UTRN: variants seen among roughly 807,000 people sequenced by gnomAD.
UTRN encodes the protein dystrophin-related protein 1.
In UTRN, 283 loss-of-function variants were observed where a neutral mutation model predicts 463.9. That is an observed-to-expected ratio of 0.61 (90% CI 0.55 to 0.67). The LOEUF (loss-of-function observed/expected upper bound fraction) is 0.67. Among genes scored for constraint, UTRN ranks in the 30% least tolerant of loss-of-function variants. The pLI, the probability that UTRN is intolerant of heterozygous loss-of-function variation, is 0.00. For missense variants in UTRN, 3,922 were observed against 4,084.3 expected (o/e 0.96, Z 1.08); for synonymous variants, 1,442 against 1,431.5 (o/e 1.01, Z -0.17).
At chr6:144,638,039 C>T (rs1237636921) in intron 51 of UTRN, among the ~76,000 whole-genome samples, 3 of 152,148 alleles carry the variant, frequency 2.0e-5, no homozygotes, top group Non-Finnish European at 4.4e-5. Flanking sequence ...TGTATAGCTT[C>T]AGTGTTTGGT....
At position 144,286,203 on chromosome 6, in the gene UTRN, G is replaced by C. The variant is rs541994593; in HGVS notation, c.-93+382G>C. ...CTCCGTGCATCGCGCGGTGCAGGGC[G>C]CTGGGCCAGTGATTTGCAAGAGGGG... On this transcript the variant is annotated intron_variant, in intron 1 of 74. Coordinates refer to ENST00000367545, the MANE Select transcript of UTRN (RefSeq NM_007124.3). The surrounding 1 kb of genome is among the most constrained non-coding windows in gnomAD (Gnocchi z 4.4). Among the ~76,000 whole-genome samples, 8 of 152,360 alleles carry C rather than the reference G, an allele frequency of 5.3e-5. No individual in the cohort carries two copies. The South Asian group carries it at 1.4e-3, about 28-fold the overall frequency.
intron 43 of UTRN, among the ~76,000 whole-genome samples, chr6:144,536,897 G>C (rs567300979): frequency 6.6e-6 from 1 of 152,032 alleles, no homozygotes; most frequent in East Asian, 1.9e-4. Flanking sequence ...AGATCTAATT[G>C]AGGCAGTTCC....
chr6:144,293,332 A>G (rs979846907), intron 2 of UTRN, among the ~76,000 whole-genome samples: 13 of 152,146 alleles, frequency 8.5e-5, no homozygotes, highest in African/African-American at 2.9e-4. Context: ...TATAACTTGT[A>G]CTTTAGCCGT....
intron 18 of UTRN, among the ~76,000 whole-genome samples, 186 bp downstream of exon 18, chr6:144,451,679 T>C (rs530141172): frequency 2.9e-4 from 41 of 140,752 alleles, no homozygotes; most frequent in South Asian, 2.0e-3. Context: ...GATCCCTATT[T>C]GGAGGACGTT....
At chr6:144,291,692 T>C (rs2114509503) in intron 1 of UTRN, 45 bp from the exon 2 acceptor site, 1 of 597,670 alleles carries the variant, frequency 1.7e-6, no homozygotes, top group East Asian at 3.2e-5. Flanking sequence ...ATATAAAATA[T>C]ATAAATACAT....
At chr6:144,759,732 TCC>T (rs989240266) in intron 58 of UTRN, among the ~76,000 whole-genome samples, 11 of 152,068 alleles carry the variant, frequency 7.2e-5, no homozygotes, top group African/African-American at 1.4e-4. Context: ...GCAGACATGA[TCC>T]TTAAATGCAG....
chr6:144,631,237 G>GGTGTGTGTGTGTGTGTGTGTGTGTGTGT (rs67332744), intron 51 of UTRN, among the ~76,000 whole-genome samples: 1 of 147,418 alleles, frequency 6.8e-6, no homozygotes, highest in Admixed American at 6.7e-5. Context: ...GAGAGAGAGA[G>GGTGTGTGTGTGTGTGTGTGTGTGTGTGT]GTGTGTGTGT....
At position 144,458,955 on chromosome 6, in the gene UTRN, A is replaced by T; in HGVS notation, c.2470A>T (p.Thr824Ser). 2 of 1,612,986 alleles carry T rather than the reference A, an allele frequency of 1.2e-6. No homozygotes were observed. Among genetic ancestry groups the T allele is most frequent in the Non-Finnish European group, 1.7e-6 (2 of 1,179,742 alleles). ...IKTKEEWVKH[T>S]SISESSRQSL... is the part of the protein sequence containing the mutation. ...GACAAAGGAGGAGTGGGTAAAACAC[A>T]CTTCCATTTCTGAATCTTCCCGGCA... Residue 824 changes from threonine (T) to serine (S), a missense_variant, in exon 20 of 75, where the codon ACT (threonine) becomes TCT (serine). Transcript: ENST00000367545.
At chr6:144,554,968 T>C (rs1365830640) in intron 49 of UTRN, 75 bp downstream of exon 49, 1 of 1,469,750 alleles carries the variant, frequency 6.8e-7, no homozygotes, top group African/African-American at 1.4e-5. Context: ...ACTGTAATTC[T>C]TAACAATAGG....
rs770983795 is a variant in UTRN, at chr6:144,485,530, G to T, written c.3822+11G>T. On this transcript the variant is annotated intron_variant, in intron 28 of 74. Transcript: ENST00000367545. ...AACGAAGCCCTGGAGGTTGGAACCC[G>T]TGATCTCCACGGCATTTCTCTTTGC... 6.2e-7 allele frequency: 1 copy of T among 1,613,964 alleles called. No individual in the cohort carries two copies. The highest frequency in any genetic ancestry group is 1.1e-5 in the South Asian group (1 of 91,058).
At chr6:144,745,434 C>T (rs1159637815) in intron 54 of UTRN, among the ~76,000 whole-genome samples, 1 of 152,084 alleles carries the variant, frequency 6.6e-6, no homozygotes, top group Non-Finnish European at 1.5e-5. Flanking sequence ...CTGTGCTTGG[C>T]TTAAAGTATG....
At chr6:144,358,400 T>C (rs968993151) in intron 2 of UTRN, among the ~76,000 whole-genome samples, 3 of 152,248 alleles carry the variant, frequency 2.0e-5, no homozygotes, top group African/African-American at 7.2e-5. Context: ...GAAATTTGAT[T>C]CTTTTTGCCT....
intron 33 of UTRN, among the ~76,000 whole-genome samples, chr6:144,493,664 A>T (rs1410294901): frequency 6.6e-6 from 1 of 152,192 alleles, no homozygotes; most frequent in African/African-American, 2.4e-5. Flanking sequence ...ACAGTGATTC[A>T]TAGTTACATA....
chr6:144,735,466 T>C (rs1789277494), intron 54 of UTRN, among the ~76,000 whole-genome samples: 1 of 152,108 alleles, frequency 6.6e-6, no homozygotes, highest in African/African-American at 2.4e-5. Flanking sequence ...GAGATGGTTG[T>C]ATGTGCTGAA....
At chr6:144,500,716 G>C (rs370734908) in intron 34 of UTRN, among the ~76,000 whole-genome samples, 1 of 152,088 alleles carries the variant, frequency 6.6e-6, no homozygotes, top group South Asian at 2.1e-4. Flanking sequence ...CTTAGGAATA[G>C]AATTTTAAAA....
At chr6:144,634,415 G>A (rs1776878969) in intron 51 of UTRN, among the ~76,000 whole-genome samples, 1 of 152,194 alleles carries the variant, frequency 6.6e-6, no homozygotes, top group Admixed American at 6.5e-5. Flanking sequence ...TTACTTGAAT[G>A]TTCCCACAGA....
chr6:144,794,721 A>T (rs369828111), intron 63 of UTRN, among the ~76,000 whole-genome samples: 1 of 152,172 alleles, frequency 6.6e-6, no homozygotes, highest in Non-Finnish European at 1.5e-5. Context: ...AAACAACAGA[A>T]ATTTATTTTC....
intron 51 of UTRN, among the ~76,000 whole-genome samples, chr6:144,582,498 A>G: frequency 6.6e-6 from 1 of 152,238 alleles, no homozygotes; most frequent in East Asian, 1.9e-4. Flanking sequence ...CCCCAAAATT[A>G]TGTACTGGAT....
chr6:144,661,332 T>C (rs1779840894), intron 51 of UTRN, among the ~76,000 whole-genome samples: 1 of 152,156 alleles, frequency 6.6e-6, no homozygotes, highest in Non-Finnish European at 1.5e-5. Context: ...CTTTTGATGA[T>C]AGGAACGTTA....
Sources: gnomAD v4.1 joint callset for allele counts (sites outside exome capture counted in the v4.1 genomes callset) on GRCh38, gnomAD v4.1.1 for gene constraint, Gnocchi (gnomAD v3.1) non-coding constraint, MANE v1.5 for transcripts, NCBI Gene and HGNC (gene_info 2026-07-23, HGNC 2026-07-21) for gene names.